Variants in ROCK1 observed in about 807,000 individuals in gnomAD.
ROCK1 encodes the protein rho-associated protein kinase 1.
ROCK1 carries 36 observed loss-of-function variants against 196.8 expected under a neutral mutation model. The ratio of observed to expected loss-of-function variants is 0.18; its 90% confidence interval spans 0.14 to 0.24. ROCK1 has a LOEUF of 0.24. ROCK1 is among the 10% of genes least tolerant of loss of function. ROCK1 has a pLI of 1.00. For missense variants in ROCK1, 920 were observed against 1,562.0 expected, an observed-to-expected ratio of 0.59 and a Z score of 6.93; for synonymous variants, 443 against 515.9, an observed-to-expected ratio of 0.86 and a Z score of 1.91.
intron 21 of ROCK1, 119 bp downstream of exon 21, chr18:20,982,644 T>C (rs2035543387): frequency 1.8e-6 from 1 of 554,780 alleles, no homozygotes. Context: ...AGTCACAATG[T>C]TTATTAGAAG....
Position 21,052,660 on chromosome 18 carries a change from G to C in ROCK1, c.176-2780C>G, listed in dbSNP as rs557546380. On this transcript the variant is annotated intron_variant, in intron 2 of 32. Coordinates refer to ENST00000399799, the MANE Select transcript of ROCK1 (RefSeq NM_005406.3). ...TCCTGTCAGATCAGCAGCGGCATTA[G>C]ATTCTCACAGGGGCACAAACCCTAT... is the stretch of plus-strand genomic sequence containing the variant. Among the ~76,000 whole-genome samples, 46 of 152,268 alleles carry C rather than the reference G, an allele frequency of 3.0e-4. No individual in the cohort carries two copies. In the South Asian group the frequency reaches 9.1e-3, roughly 30 times the overall value.
At chr18:21,008,580 C>A (rs2035788594) in intron 13 of ROCK1, among the ~76,000 whole-genome samples, 1 of 152,122 alleles carries the variant, frequency 6.6e-6, no homozygotes, top group East Asian at 1.9e-4. Context: ...GCCTAAAATA[C>A]CCAAATTTTC....
intron 10 of ROCK1, 45 bp from the exon 11 acceptor site, chr18:21,023,725 T>G: frequency 9.5e-7 from 1 of 1,054,944 alleles, no homozygotes; most frequent in Non-Finnish European, 1.4e-6. Context: ...CAAAAAACTC[T>G]GTAATATCCC....
chr18:20,968,581 C>T (rs1230724621), intron 25 of ROCK1, 191 bp downstream of exon 25: 11 of 525,166 alleles, frequency 2.1e-5, no homozygotes, highest in Non-Finnish European at 3.4e-5. Context: ...GTTGGGATTA[C>T]AGGCATGAGC....
chr18:21,042,716 AGC>A lies in ROCK1; in HGVS notation c.676-9_676-8del. 1 of 1,585,532 alleles carries A rather than the reference AGC, an allele frequency of 6.3e-7. No homozygotes were observed. The highest frequency in any genetic ancestry group is 8.6e-7 in the Non-Finnish European group (1 of 1,168,040). ...CACATCGTACCATGCCTTCCTAAAA[AGC>A]GCGGCAGGTCAAATTTTGAATTAGG... is the stretch of plus-strand genomic sequence containing the variant. On this transcript the variant is annotated splice_region_variant and splice_polypyrimidine_tract_variant and intron_variant, in intron 6 of 32. Coordinates refer to ENST00000399799, the MANE Select transcript of ROCK1 (RefSeq NM_005406.3).
At chr18:21,083,643 C>T (rs555859124) in intron 1 of ROCK1, among the ~76,000 whole-genome samples, 2 of 152,270 alleles carry the variant, frequency 1.3e-5, no homozygotes, top group South Asian at 4.1e-4. Context: ...TGATCCACTT[C>T]CATTTAATGA....
At chr18:21,100,747 G>C (rs1486592741) in intron 1 of ROCK1, among the ~76,000 whole-genome samples, 1 of 152,120 alleles carries the variant, frequency 6.6e-6, no homozygotes, top group African/African-American at 2.4e-5. Context: ...AGGAGAATAA[G>C]GGTAGGGGAT....
At chr18:20,997,019 A>G (rs1372776575) in intron 16 of ROCK1, among the ~76,000 whole-genome samples, 3 of 152,194 alleles carry the variant, frequency 2.0e-5, no homozygotes, top group South Asian at 2.1e-4. Flanking sequence ...CATTAAGCAG[A>G]AACAGGAAGG....
At chr18:21,010,908 T>C (rs1353403291) in intron 13 of ROCK1, among the ~76,000 whole-genome samples, 1 of 152,246 alleles carries the variant, frequency 6.6e-6, no homozygotes, top group African/African-American at 2.4e-5. Context: ...GTGGATTGAC[T>C]CTTATCATTA....
intron 9 of ROCK1, among the ~76,000 whole-genome samples, chr18:21,032,188 C>T (rs1417694458): frequency 6.6e-6 from 1 of 152,146 alleles, no homozygotes; most frequent in Non-Finnish European, 1.5e-5. Flanking sequence ...CATAATCAAA[C>T]TGTCTTAACT....
intron 1 of ROCK1, among the ~76,000 whole-genome samples, chr18:21,108,318 T>C (rs1325584180): frequency 6.6e-6 from 1 of 152,188 alleles, no homozygotes; most frequent in Admixed American, 6.5e-5. Flanking sequence ...CTCTTCCTCT[T>C]TGTTCAACCT....
At chr18:21,020,371 AT>A (rs1377540271) in intron 11 of ROCK1, 132 bp from the exon 12 acceptor site, 5 of 455,318 alleles carry the variant, frequency 1.1e-5, no homozygotes, top group African/African-American at 4.1e-5. Flanking sequence ...TTCTATCTCA[AT>A]TTTTTTATTA....
At chr18:20,975,495 G>C (rs577409571) in intron 22 of ROCK1, among the ~76,000 whole-genome samples, 2 of 152,196 alleles carry the variant, frequency 1.3e-5, no homozygotes, top group African/African-American at 4.8e-5. Flanking sequence ...TCTCTATTTA[G>C]AAGCTGTTCT....
Position 20,967,092 on chromosome 18 carries a change from A to G in ROCK1, c.3193-16T>C, listed in dbSNP as rs1321289175. The stretch of plus-strand genomic sequence containing the variant: ...CTACCAATTGCTAATTTTGAAAAGT[A>G]TCAAGATAATATAATCAAGCTAAAA... On this transcript the variant is annotated splice_polypyrimidine_tract_variant and intron_variant, in intron 26 of 32. Transcript: ENST00000399799. 1 of 1,565,512 alleles carries G rather than the reference A, an allele frequency of 6.4e-7. No homozygotes were observed. Among genetic ancestry groups the G allele is most frequent in the South Asian group, 1.1e-5 (1 of 88,196 alleles).
chr18:21,110,146 T>C (rs377723867), intron 1 of ROCK1, among the ~76,000 whole-genome samples: 29 of 152,264 alleles, frequency 1.9e-4, no homozygotes, highest in East Asian at 9.6e-4. Flanking sequence ...GTTTTACAAG[T>C]GACAATGTTA....
chr18:20,984,546 G>GA lies in ROCK1; in HGVS notation c.2305-12dup, dbSNP rs769213440. ...GGTTAGATTCTTAACCTATGAATGA[G>GA]AAAAATAATTGGGATCTTAAATCTC... On this transcript the variant is annotated splice_polypyrimidine_tract_variant and intron_variant, in intron 19 of 32. Transcript: ENST00000399799. 1.3e-6 allele frequency: 2 copies of GA among 1,574,566 alleles called. No individual in the cohort carries two copies. The highest frequency in any genetic ancestry group is 1.2e-5 in the South Asian group (1 of 84,858).
intron 16 of ROCK1, among the ~76,000 whole-genome samples, chr18:20,994,214 A>T (rs2035651114): frequency 6.6e-6 from 1 of 152,224 alleles, no homozygotes; most frequent in Non-Finnish European, 1.5e-5. Context: ...CTTTCTTTCA[A>T]ATAATTGACC....
intron 1 of ROCK1, among the ~76,000 whole-genome samples, chr18:21,082,492 T>A (rs2143571884): frequency 6.6e-6 from 1 of 152,270 alleles, no homozygotes; most frequent in East Asian, 1.9e-4. Context: ...CAGGATCAAG[T>A]GGGATTTATG....
chr18:21,040,980 G>A (rs769744920), intron 8 of ROCK1, among the ~76,000 whole-genome samples: 2 of 151,852 alleles, frequency 1.3e-5, no homozygotes, highest in African/African-American at 4.8e-5. Flanking sequence ...AATTAGCCAG[G>A]CATGGTGACA....
Sources: allele counts gnomAD v4.1 joint callset (sites outside exome capture counted in the v4.1 genomes callset), GRCh38; gene constraint gnomAD v4.1.1; transcripts MANE v1.5; gene names NCBI Gene and HGNC (gene_info 2026-07-23, HGNC 2026-07-21).